Variants in SLCO5A1 observed in about 807,000 individuals in gnomAD.
SLCO5A1 encodes organic anion transporter polypeptide-related protein 4.
A neutral mutation model predicts 65.1 loss-of-function variants in SLCO5A1; 39 were observed. The observed-to-expected ratio is 0.60, with a 90% CI of 0.46 to 0.78. The LOEUF (loss-of-function observed/expected upper bound fraction) is 0.78, where lower values mean the gene tolerates loss of function less well. Among genes scored for constraint, SLCO5A1 ranks in the 30% least tolerant of loss-of-function variants. The probability of loss-of-function intolerance (pLI) is 0.00; values close to 1 mark genes in which losing one functional copy is unlikely to be tolerated. For missense variants in SLCO5A1, 1,029 were observed against 1,069.4 expected, an observed-to-expected ratio of 0.96 and a Z score of 0.53; for synonymous variants, 438 against 415.7, an observed-to-expected ratio of 1.05 and a Z score of -0.65.
chr8:69,684,454 T>C (rs1178549897), intron 6 of SLCO5A1, among the ~76,000 whole-genome samples: 3 of 152,316 alleles, frequency 2.0e-5, no homozygotes, highest in East Asian at 1.9e-4. Context: ...CGACCTCTAG[T>C]TGCTTTGCTA....
chr8:69,676,721 G>T, intron 8 of SLCO5A1, 48 bp from the exon 9 acceptor site: 1 of 1,530,364 alleles, frequency 6.5e-7, no homozygotes, highest in Non-Finnish European at 9.0e-7. Flanking sequence ...GTAGCCCCAA[G>T]AAAATGAATG....
Position 69,679,600 on chromosome 8 carries a change from C to T in SLCO5A1, c.1802G>A (p.Cys601Tyr). ...CACTTGGCGACTTTGGACACAGGTG[C>T]ATTCTGTATAATTCCGTATCTAAGT... ...LSTGIRNYTE[C>Y]TCVQSRQVIT... Residue 601 changes from cysteine (C) to tyrosine (Y), a missense_variant, in exon 8 of 10, where the codon TGC becomes TAC. Cys to Tyr is a radical substitution (Grantham distance 194). Transcript: ENST00000260126. The T allele has an allele frequency of 6.2e-7, 1 of 1,614,172 alleles. No individual in the cohort carries two copies. Among genetic ancestry groups the T allele is most frequent in the Non-Finnish European group, 8.5e-7 (1 of 1,180,020 alleles).
chr8:69,748,583 A>C (rs911888150), intron 4 of SLCO5A1, among the ~76,000 whole-genome samples: 1 of 152,258 alleles, frequency 6.6e-6, no homozygotes. Flanking sequence ...AAATGTGGCC[A>C]TAAGACTTTT....
At chr8:69,783,786 T>C (rs1818902980) in intron 2 of SLCO5A1, among the ~76,000 whole-genome samples, 1 of 152,018 alleles carries the variant, frequency 6.6e-6, no homozygotes, top group Admixed American at 6.6e-5. Context: ...CTAAAAAGAG[T>C]GTGTGACCTA....
chr8:69,743,634 G>A (rs1351078152), intron 4 of SLCO5A1, among the ~76,000 whole-genome samples: 2 of 152,174 alleles, frequency 1.3e-5, no homozygotes, highest in Non-Finnish European at 2.9e-5. Flanking sequence ...ATCCCAGGCT[G>A]GAGAGGGCTC....
intron 2 of SLCO5A1, among the ~76,000 whole-genome samples, chr8:69,779,064 G>A (rs1027333151): frequency 6.6e-6 from 1 of 152,122 alleles, no homozygotes; most frequent in Non-Finnish European, 1.5e-5. Flanking sequence ...AGAGTTGAGC[G>A]ACTGCAACAG....
intron 5 of SLCO5A1, among the ~76,000 whole-genome samples, chr8:69,728,424 T>C (rs995596050): frequency 6.6e-6 from 1 of 152,062 alleles, no homozygotes; most frequent in African/African-American, 2.4e-5. Context: ...AAATTTAACT[T>C]TAAAATTTTA....
chr8:69,777,707 G>C (rs760271347), intron 2 of SLCO5A1, among the ~76,000 whole-genome samples: 2 of 152,182 alleles, frequency 1.3e-5, no homozygotes, highest in Non-Finnish European at 2.9e-5. Context: ...TCCCCACCGG[G>C]GATGTGAATC....
chr8:69,832,328 C>G lies in SLCO5A1; in HGVS notation c.346G>C (p.Glu116Gln), dbSNP rs886831870. The G allele has an allele frequency of 1.2e-6, 2 of 1,614,102 alleles. No homozygotes were observed. Among genetic ancestry groups the G allele is most frequent in the Non-Finnish European group, 1.7e-6 (2 of 1,180,046 alleles). The change falls in exon 2 of 10, where the codon GAG becomes CAG. Residue 116 changes from glutamate (E) to glutamine (Q), a missense_variant. Around this residue, in one of 3 missense-constraint regions of SLCO5A1, gnomAD observed 647 missense variants for 647.5 expected, o/e 1.00. Coordinates refer to ENST00000260126, the MANE Select transcript of SLCO5A1 (RefSeq NM_030958.3). The surrounding 1 kb of genome is among the most constrained non-coding windows in gnomAD (Gnocchi z 4.5). ...SVSSALAMLQERRCLYVVLTD... is the reference protein window; with the variant it reads ...SVSSALAMLQQRRCLYVVLTD... ...AGGACCACGTAGAGGCACCTTCTCT[C>G]CTGGAGCATGGCCAAGGCGGAGGAC...
chr8:69,754,617 T>A (rs887992054), intron 4 of SLCO5A1, among the ~76,000 whole-genome samples: 2 of 151,992 alleles, frequency 1.3e-5, no homozygotes, highest in Non-Finnish European at 2.9e-5. Flanking sequence ...CTAATGGGAG[T>A]GTCACATTAT....
At chr8:69,715,767 T>G (rs1259716609) in intron 5 of SLCO5A1, among the ~76,000 whole-genome samples, 2 of 152,214 alleles carry the variant, frequency 1.3e-5, no homozygotes, top group African/African-American at 4.8e-5. Context: ...TTCATAAATA[T>G]AGTCACATCA....
At chr8:69,715,276 A>C (rs1010267926) in intron 5 of SLCO5A1, among the ~76,000 whole-genome samples, 2 of 152,248 alleles carry the variant, frequency 1.3e-5, no homozygotes, top group African/African-American at 4.8e-5. Context: ...TCACAGGAGA[A>C]TAAGAGCACC....
At chr8:69,718,251 C>T (rs1049021824) in intron 5 of SLCO5A1, among the ~76,000 whole-genome samples, 4 of 152,098 alleles carry the variant, frequency 2.6e-5, no homozygotes, top group African/African-American at 9.7e-5. Context: ...ATCTTGCAAC[C>T]TTGTTGAACA....
chr8:69,773,508 G>A (rs1386340323), intron 2 of SLCO5A1, among the ~76,000 whole-genome samples: 1 of 152,178 alleles, frequency 6.6e-6, no homozygotes, highest in Non-Finnish European at 1.5e-5. Flanking sequence ...ACCAGAGGCT[G>A]TCCAAGGCCT....
At chr8:69,765,207 CATAT>C (rs756895194) in intron 2 of SLCO5A1, among the ~76,000 whole-genome samples, 1 of 151,338 alleles carries the variant, frequency 6.6e-6, no homozygotes, top group African/African-American at 2.4e-5. Context: ...TATACAGATA[CATAT>C]ATATATACAC....
intron 2 of SLCO5A1, among the ~76,000 whole-genome samples, chr8:69,828,987 A>T (rs1045605356): frequency 2.0e-5 from 3 of 152,210 alleles, no homozygotes; most frequent in Non-Finnish European, 4.4e-5. Flanking sequence ...TTCAAAGTAA[A>T]TAGAGGCAAA....
At chr8:69,828,350 C>T (rs1489336196) in intron 2 of SLCO5A1, among the ~76,000 whole-genome samples, 2 of 151,926 alleles carry the variant, frequency 1.3e-5, no homozygotes, top group Admixed American at 1.3e-4. Flanking sequence ...CGCCTGTAAT[C>T]CCAAAACTTT....
chr8:69,827,447 T>C (rs911311097), intron 2 of SLCO5A1, among the ~76,000 whole-genome samples: 4 of 152,212 alleles, frequency 2.6e-5, no homozygotes, highest in African/African-American at 7.2e-5. Flanking sequence ...AATGCTGCCG[T>C]ATCTCATCTA....
intron 6 of SLCO5A1, among the ~76,000 whole-genome samples, chr8:69,698,485 C>A (rs1251803510): frequency 6.6e-6 from 1 of 152,204 alleles, no homozygotes; most frequent in Non-Finnish European, 1.5e-5. Flanking sequence ...AGTGTATAAG[C>A]ATTTCCTCTT....
Sources: allele counts gnomAD v4.1 joint callset (sites outside exome capture counted in the v4.1 genomes callset), GRCh38; gene constraint gnomAD v4.1.1; regional missense constraint gnomAD v4.1.1; non-coding constraint Gnocchi (gnomAD v3.1); transcripts MANE v1.5; gene names NCBI Gene and HGNC (gene_info 2026-07-23, HGNC 2026-07-21).